CSMD1: variants seen among roughly 807,000 people sequenced by gnomAD.
CSMD1 encodes the protein CUB and sushi domain-containing protein 1.
CSMD1 carries 213 observed loss-of-function variants against 417.5 expected under a neutral mutation model. That is an observed-to-expected ratio of 0.51 (90% CI 0.46 to 0.57). CSMD1 has a LOEUF of 0.57. CSMD1 is among the 20% of genes least tolerant of loss of function. The probability of loss-of-function intolerance (pLI) is 0.00; values close to 1 mark genes in which losing one functional copy is unlikely to be tolerated. For missense variants in CSMD1, 6,923 were observed against 4,529.7 expected (o/e 1.53, Z -15.17); for synonymous variants, 2,862 against 1,736.8 (o/e 1.65, Z -16.11).
chr8:3,119,557 T>G (rs1817076186), intron 41 of CSMD1, among the ~76,000 whole-genome samples: 1 of 152,194 alleles, frequency 6.6e-6, no homozygotes, highest in Non-Finnish European at 1.5e-5. Context: ...TCTGTGTGGT[T>G]TAAACATTTA....
chr8:4,114,805 T>C (rs1302492645), intron 3 of CSMD1, among the ~76,000 whole-genome samples: 2 of 152,030 alleles, frequency 1.3e-5, no homozygotes, highest in African/African-American at 2.4e-5. Flanking sequence ...GTGGTAGAAA[T>C]AGCGAGAGGT....
At chr8:4,849,863 A>G (rs1801365712) in intron 1 of CSMD1, among the ~76,000 whole-genome samples, 1 of 152,174 alleles carries the variant, frequency 6.6e-6, no homozygotes, top group Non-Finnish European at 1.5e-5. Context: ...ATGTAACTGT[A>G]TATGTTTTCA....
intron 3 of CSMD1, among the ~76,000 whole-genome samples, chr8:4,074,082 T>A (rs1799699170): frequency 6.6e-6 from 1 of 152,088 alleles, no homozygotes; most frequent in Non-Finnish European, 1.5e-5. Flanking sequence ...ATAGACAAAT[T>A]TTGTAATATA....
chr8:3,049,544 T>G (rs79979990), intron 50 of CSMD1, among the ~76,000 whole-genome samples: 1 of 151,658 alleles, frequency 6.6e-6, no homozygotes, highest in Non-Finnish European at 1.5e-5. Context: ...ACTATGGAGA[T>G]GAAAGATCAA....
At chr8:4,342,863 G>C (rs142543473) in intron 3 of CSMD1, among the ~76,000 whole-genome samples, 173 of 152,076 alleles carry the variant, frequency 1.1e-3, no homozygotes, top group African/African-American at 3.8e-3. Flanking sequence ...ATACACCAAA[G>C]GCCACCCATG....
chr8:4,302,412 G>A (rs754627269), intron 3 of CSMD1, among the ~76,000 whole-genome samples: 1 of 152,132 alleles, frequency 6.6e-6, no homozygotes, highest in African/African-American at 2.4e-5. Flanking sequence ...TTATATATGT[G>A]ATTACTTTCA....
intron 2 of CSMD1, among the ~76,000 whole-genome samples, chr8:4,610,714 C>T (rs948841015): frequency 4.6e-5 from 7 of 152,286 alleles, no homozygotes; most frequent in Admixed American, 1.3e-4. Context: ...ATGGTTGTAA[C>T]AGCTTTGCAA....
At chr8:3,476,571 C>A (rs10110772) in intron 11 of CSMD1, among the ~76,000 whole-genome samples, 1 of 151,748 alleles carries the variant, frequency 6.6e-6, no homozygotes, top group Non-Finnish European at 1.5e-5. Flanking sequence ...AAAGGTTACA[C>A]AGAACATACA....
chr8:3,980,796 C>G (rs1346677414), intron 5 of CSMD1, among the ~76,000 whole-genome samples: 1 of 152,188 alleles, frequency 6.6e-6, no homozygotes, highest in Admixed American at 6.5e-5. Flanking sequence ...ACTGGGGATA[C>G]ATACCCCTTG....
At chr8:3,732,587 C>G (rs1796326549) in intron 6 of CSMD1, among the ~76,000 whole-genome samples, 2 of 152,214 alleles carry the variant, frequency 1.3e-5, no homozygotes, top group Non-Finnish European at 2.9e-5. Flanking sequence ...AGGCAACGCA[C>G]CATGAAAGCT....
intron 5 of CSMD1, among the ~76,000 whole-genome samples, chr8:3,979,171 G>C (rs894240804): frequency 3.9e-5 from 6 of 152,208 alleles, no homozygotes; most frequent in Admixed American, 1.3e-4. Flanking sequence ...ACACCTGTGA[G>C]ATCTTAGCAC....
intron 1 of CSMD1, among the ~76,000 whole-genome samples, chr8:4,727,518 G>A (rs868705770): frequency 3.3e-5 from 5 of 152,238 alleles, no homozygotes; most frequent in South Asian, 2.1e-4. Context: ...GTGAAATAAT[G>A]CCTTCTGGGT....
chr8:4,369,961 C>T (rs1583130), intron 3 of CSMD1, among the ~76,000 whole-genome samples: 106,200 of 152,008 alleles, frequency 0.7, 38,167 homozygotes, highest in African/African-American at 0.89. Flanking sequence ...TGGGTCAATA[C>T]TGACACGTGA....
intron 3 of CSMD1, among the ~76,000 whole-genome samples, chr8:4,257,074 C>G (rs1008973480): frequency 3.3e-5 from 5 of 152,144 alleles, no homozygotes; most frequent in African/African-American, 1.2e-4. Flanking sequence ...TTGACAGTCT[C>G]TTCTTAGAAC....
At chr8:3,453,230 G>A (rs932704460) in intron 12 of CSMD1, among the ~76,000 whole-genome samples, 1 of 152,006 alleles carries the variant, frequency 6.6e-6, no homozygotes, top group Non-Finnish European at 1.5e-5. Context: ...CTTGCTAGCA[G>A]TCTATCAATT....
chr8:4,029,410 G>T (rs1004073720), intron 4 of CSMD1, among the ~76,000 whole-genome samples: 1 of 152,176 alleles, frequency 6.6e-6, no homozygotes, highest in Non-Finnish European at 1.5e-5. Context: ...TGGAAGGCAA[G>T]GAGGACCTAG....
At chr8:4,388,062 C>T (rs760349022) in intron 3 of CSMD1, among the ~76,000 whole-genome samples, 12 of 152,160 alleles carry the variant, frequency 7.9e-5, no homozygotes, top group Non-Finnish European at 1.3e-4. Flanking sequence ...ATGTCCACCT[C>T]ATTTGGACTA....
intron 49 of CSMD1, among the ~76,000 whole-genome samples, chr8:3,061,046 C>G (rs553815531): frequency 6.6e-6 from 1 of 152,216 alleles, no homozygotes; most frequent in East Asian, 1.9e-4. Flanking sequence ...TTATTTTATA[C>G]TAATGTTTAT....
intron 5 of CSMD1, among the ~76,000 whole-genome samples, chr8:3,952,089 T>C (rs1417343837): frequency 6.6e-6 from 1 of 152,150 alleles, no homozygotes; most frequent in African/African-American, 2.4e-5. Context: ...AAAATAAAAA[T>C]CTTTAAATTT....
Sources: allele counts gnomAD v4.1 joint callset (sites outside exome capture counted in the v4.1 genomes callset), GRCh38; gene constraint gnomAD v4.1.1; transcripts MANE v1.5; gene names NCBI Gene and HGNC (gene_info 2026-07-23, HGNC 2026-07-21).